Variants in FAM135B observed in about 807,000 individuals in gnomAD.
FAM135B encodes the protein protein FAM135B.
A neutral mutation model predicts 127.7 loss-of-function variants in FAM135B; 43 were observed. The ratio of observed to expected loss-of-function variants is 0.34; its 90% CI spans 0.26 to 0.43. FAM135B has a LOEUF of 0.43. Ranked by LOEUF, FAM135B falls within the 20% of genes least tolerant of loss-of-function variation. The probability of loss-of-function intolerance (pLI) is 1.00; values close to 1 mark genes in which losing one functional copy is unlikely to be tolerated. For missense variants in FAM135B, 1,558 were observed against 1,725.6 expected, an observed-to-expected ratio of 0.90 and a Z score of 1.72; for synonymous variants, 670 against 665.1, an observed-to-expected ratio of 1.01 and a Z score of -0.11.
chr8:138,435,196 G>C (rs1391206884), intron 1 of FAM135B, among the ~76,000 whole-genome samples: 1 of 152,106 alleles, frequency 6.6e-6, no homozygotes, highest in Non-Finnish European at 1.5e-5. Context: ...TATTTGGGAG[G>C]CTGAGGCAGA....
At chr8:138,396,545 A>G (rs1832863681) in intron 1 of FAM135B, among the ~76,000 whole-genome samples, 1 of 152,142 alleles carries the variant, frequency 6.6e-6, no homozygotes, top group Non-Finnish European at 1.5e-5. Flanking sequence ...ATATTTGTCT[A>G]TGGATGTGTT....
At chr8:138,133,055 A>T (rs1816332950) in intron 19 of FAM135B, among the ~76,000 whole-genome samples, 1 of 152,234 alleles carries the variant, frequency 6.6e-6, no homozygotes, top group South Asian at 2.1e-4. Context: ...AAGTTATGAT[A>T]GCAGTGTTCG....
intron 1 of FAM135B, among the ~76,000 whole-genome samples, chr8:138,474,289 G>A (rs1031074792): frequency 1.3e-5 from 2 of 152,056 alleles, no homozygotes; most frequent in South Asian, 2.1e-4. Flanking sequence ...CAGTTCTACC[G>A]GCCATTAACG....
At position 138,152,868 on chromosome 8, in the gene FAM135B, G is replaced by T. The variant is rs1038529133; in HGVS notation, c.1607C>A (p.Thr536Asn). ...CTCTGGACCTGGACTCCTTCTAGAA[G>T]TATCCACATCTGCCACTGGATATGT... ...AGTYPVADVD[T>N]SRRSPGPEDG... The change falls in exon 13 of 20, where the codon ACT becomes AAT. Residue 536 changes from threonine to asparagine, a missense_variant. Thr to Asn is a moderately conservative substitution (Grantham distance 65). This residue lies in a region of FAM135B where 923 missense variants were observed against 865.3 expected (regional missense o/e 1.07). Coordinates refer to ENST00000395297, the MANE Select transcript of FAM135B (RefSeq NM_015912.4). The T allele has an allele frequency of 1.9e-6, 3 of 1,614,086 alleles. No individual in the cohort carries two copies. Among genetic ancestry groups the T allele is most frequent in the African/African-American group, 1.3e-5 (1 of 74,924 alleles).
At chr8:138,313,936 A>G (rs924228629) in intron 2 of FAM135B, among the ~76,000 whole-genome samples, 4 of 151,828 alleles carry the variant, frequency 2.6e-5, no homozygotes, top group Admixed American at 2.0e-4. Flanking sequence ...ACTGAGGTTA[A>G]GCAATACTAA....
chr8:138,260,078 A>C (rs979811395), intron 4 of FAM135B, among the ~76,000 whole-genome samples: 8 of 152,184 alleles, frequency 5.3e-5, no homozygotes, highest in African/African-American at 1.9e-4. Context: ...TATGGGCTTA[A>C]GACTAACCTT....
In FAM135B at chr8:138,153,094, C is replaced by A. The variant is rs376463553; in HGVS notation, c.1381G>T (p.Val461Phe). 1 of 1,614,070 alleles carries A rather than the reference C, an allele frequency of 6.2e-7. No individual in the cohort carries two copies. The highest frequency in any genetic ancestry group is 8.5e-7 in the Non-Finnish European group (1 of 1,179,944). Reference protein sequence around the residue: ...NSNLSFREDLVLSTIKPSQMD... With the variant: ...NSNLSFREDLFLSTIKPSQMD... Reference sequence around the variant, plus strand: ...TGGGATGGTTTTATGGTAGACAAGACAAGGTCTTCCCTAAAAGATAAATTG... The same window carrying A: ...TGGGATGGTTTTATGGTAGACAAGAAAAGGTCTTCCCTAAAAGATAAATTG... Residue 461 changes from valine to phenylalanine, a missense_variant, in exon 13 of 20, where the codon GTC becomes TTC. Val to Phe is a conservative substitution (Grantham distance 50). Coordinates refer to ENST00000395297, the MANE Select transcript of FAM135B (RefSeq NM_015912.4).
At chr8:138,228,613 C>T (rs7386241) in intron 7 of FAM135B, among the ~76,000 whole-genome samples, 147,038 of 152,216 alleles carry the variant, frequency 0.97, 71,053 homozygotes, top group East Asian at 1. Flanking sequence ...CTGAGCTGAA[C>T]GACAGATTCC....
At chr8:138,342,710 T>C (rs754528484) in intron 2 of FAM135B, among the ~76,000 whole-genome samples, 1 of 152,192 alleles carries the variant, frequency 6.6e-6, no homozygotes, top group Non-Finnish European at 1.5e-5. Context: ...CCCCCTCCAA[T>C]GTCCAAGGCC....
Position 138,141,251 on chromosome 8 carries a change from A to G in FAM135B, c.3737T>C (p.Leu1246Pro). The G allele has an allele frequency of 6.2e-7, 1 of 1,614,112 alleles. No individual in the cohort carries two copies. The highest frequency in any genetic ancestry group is 8.5e-7 in the Non-Finnish European group (1 of 1,180,020). ...CAGGGTTCCCAGGTGAGGCCCAGAG[A>G]GTGACAGGAACGTGTGGAGTTTGTT... ...YLNKLHTFLS[L>P]SGPHLGTLYN... Residue 1246 changes from leucine (L) to proline (P), a missense_variant, in exon 17 of 20, where the codon CTC (leucine) becomes CCC (proline). Around this residue, in one of 5 missense-constraint regions of FAM135B, gnomAD observed 194 missense variants for 333.8 expected, o/e 0.58. Coordinates refer to ENST00000395297, the MANE Select transcript of FAM135B (RefSeq NM_015912.4). This position sits in a 1 kb window ranked among gnomAD's most constrained non-coding sequence, Gnocchi z 4.7.
intron 7 of FAM135B, among the ~76,000 whole-genome samples, chr8:138,221,217 A>AC (rs1352624278): frequency 2.6e-5 from 4 of 152,118 alleles, no homozygotes; most frequent in African/African-American, 9.7e-5. Flanking sequence ...GTTTCTGGGG[A>AC]AGCCTCAGGA....
chr8:138,355,734 G>A (rs745858220), intron 2 of FAM135B, among the ~76,000 whole-genome samples: 9 of 152,118 alleles, frequency 5.9e-5, no homozygotes, highest in Admixed American at 4.6e-4. Flanking sequence ...TGAGAGTACC[G>A]CTCTATAAAT....
Position 138,325,568 on chromosome 8 carries a change from A to G in FAM135B, c.78-14648T>C, listed in dbSNP as rs550905284. Among the ~76,000 whole-genome samples the G allele has an allele frequency of 6.6e-5, 10 of 152,270 alleles. No homozygotes were observed. In the South Asian group the frequency reaches 2.1e-3, roughly 32 times the overall value. On this transcript the variant is annotated intron_variant, in intron 2 of 19. Transcript: ENST00000395297. ...AAACTGTTGAGCCTTCAGGAAATAT[A>G]TATATATTGCTCAAAGAATCCTCAT...
chr8:138,408,327 T>C (rs1833654243), intron 1 of FAM135B, among the ~76,000 whole-genome samples: 1 of 152,234 alleles, frequency 6.6e-6, no homozygotes, highest in African/African-American at 2.4e-5. Context: ...TTCTAACTGA[T>C]AACTTGCTGC....
intron 1 of FAM135B, among the ~76,000 whole-genome samples, chr8:138,378,159 A>G (rs1831605771): frequency 6.6e-6 from 1 of 152,236 alleles, no homozygotes; most frequent in Admixed American, 6.5e-5. Flanking sequence ...AATCTGAGCC[A>G]TCGACCTGGG....
chr8:138,488,694 G>C (rs1310851110), intron 1 of FAM135B, among the ~76,000 whole-genome samples: 1 of 152,182 alleles, frequency 6.6e-6, no homozygotes, highest in Non-Finnish European at 1.5e-5. Context: ...GTGAGAGGGA[G>C]TCTCACTCTG....
chr8:138,345,378 T>C (rs541460850), intron 2 of FAM135B, among the ~76,000 whole-genome samples: 1 of 152,116 alleles, frequency 6.6e-6, no homozygotes, highest in East Asian at 1.9e-4. Flanking sequence ...TGAGCAGGAG[T>C]TGGCGAGAGA....
upstream of FAM135B, among the ~76,000 whole-genome samples, chr8:138,497,669 C>G (rs1815449722): frequency 1.3e-5 from 2 of 152,148 alleles, no homozygotes; most frequent in Non-Finnish European, 2.9e-5. Flanking sequence ...AGCCAGCCGG[C>G]CCGTCATCCG....
intron 2 of FAM135B, among the ~76,000 whole-genome samples, chr8:138,361,466 T>C (rs1475200587): frequency 6.6e-6 from 1 of 152,198 alleles, no homozygotes; most frequent in African/African-American, 2.4e-5. Flanking sequence ...CTAGACCCTA[T>C]GCTGGGCACT....
Sources: allele counts gnomAD v4.1 joint callset (sites outside exome capture counted in the v4.1 genomes callset), GRCh38; gene constraint gnomAD v4.1.1; regional missense constraint gnomAD v4.1.1; non-coding constraint Gnocchi (gnomAD v3.1); transcripts MANE v1.5; gene names NCBI Gene and HGNC (gene_info 2026-07-23, HGNC 2026-07-21).